GYPC: variants seen among roughly 807,000 people sequenced by gnomAD.
GYPC encodes the protein glycophorin C (Gerbich blood group).
Under a neutral mutation model 12.6 loss-of-function variants are expected in GYPC, and 14 were observed. That is an observed-to-expected ratio of 1.11 (90% CI 0.74 to 1.74). The LOEUF (loss-of-function observed/expected upper bound fraction) is 1.74. Ranked by LOEUF, GYPC falls within the 40% of genes most tolerant of loss-of-function variation. The pLI, the probability that GYPC is intolerant of heterozygous loss-of-function variation, is 0.00. For synonymous variants in GYPC, 78 were observed against 62.1 expected (o/e 1.26, Z -1.20); for missense variants, 225 against 172.1 (o/e 1.31, Z -1.72).
chr2:126,669,576 CT>C (rs1308468534), intron 1 of GYPC, among the ~76,000 whole-genome samples: 1 of 152,194 alleles, frequency 6.6e-6, no homozygotes, highest in Non-Finnish European at 1.5e-5. Flanking sequence ...TGGGTCATTT[CT>C]TATTTCAGAA....
intron 1 of GYPC, among the ~76,000 whole-genome samples, chr2:126,684,979 G>C (rs1476271326): frequency 1.3e-5 from 2 of 152,178 alleles, no homozygotes; most frequent in East Asian, 3.9e-4. Flanking sequence ...AATGCTAACT[G>C]CTTAGCCAAC....
chr2:126,686,759 C>T (rs774178025), intron 1 of GYPC: 7 of 894,696 alleles, frequency 7.8e-6, no homozygotes, highest in Non-Finnish European at 9.4e-6. Context: ...TCTGTCCAAT[C>T]GTTGTGCTGG....
chr2:126,669,646 C>T (rs187704480), intron 1 of GYPC, among the ~76,000 whole-genome samples: 4 of 152,190 alleles, frequency 2.6e-5, no homozygotes, highest in Non-Finnish European at 5.9e-5. Context: ...TTTATTTGAG[C>T]GAAATGAAGC....
chr2:126,695,275 G>A (rs1359049155), intron 3 of GYPC, among the ~76,000 whole-genome samples: 2 of 152,168 alleles, frequency 1.3e-5, no homozygotes, highest in African/African-American at 4.8e-5. Flanking sequence ...CTCCAAACAA[G>A]GTTCAGTCCT....
rs13413835 is a variant in GYPC at position 126,673,604 on chromosome 2, G to A, written c.50-16651G>A. Among the ~76,000 whole-genome samples, 1,149 of 152,262 alleles carry A rather than the reference G, an allele frequency of 7.5e-3. 9 individuals carry two copies. The highest frequency in any genetic ancestry group is 0.026 in the African/African-American group (1,066 of 41,532). On this transcript the variant is annotated intron_variant, in intron 1 of 3. Transcript: ENST00000259254. ...TAAAGCCACACCAATAGCAAATGGC[G>A]GAGCCACGACTAGAATTCAGGTGTT... is the stretch of plus-strand genomic sequence containing the variant.
intron 1 of GYPC, among the ~76,000 whole-genome samples, chr2:126,668,545 G>A (rs1682749031): frequency 6.6e-6 from 1 of 152,222 alleles, no homozygotes; most frequent in Admixed American, 6.5e-5. Flanking sequence ...CAACTACAAT[G>A]CACACACAGC....
intron 1 of GYPC, among the ~76,000 whole-genome samples, chr2:126,661,891 C>A (rs1457797461): frequency 6.6e-6 from 1 of 152,228 alleles, no homozygotes; most frequent in Non-Finnish European, 1.5e-5. Context: ...CAGCCCTGGG[C>A]AGGGTGGCCT....
intron 1 of GYPC, among the ~76,000 whole-genome samples, chr2:126,662,901 C>A (rs1682571083): frequency 6.6e-6 from 1 of 152,192 alleles, no homozygotes; most frequent in Non-Finnish European, 1.5e-5. Context: ...CCTCCTTGCT[C>A]TCCAGACTCC....
intron 1 of GYPC, among the ~76,000 whole-genome samples, chr2:126,672,740 AG>A (rs1354697680): frequency 1.3e-5 from 2 of 152,128 alleles, no homozygotes; most frequent in African/African-American, 4.8e-5. Flanking sequence ...CTGTGAAAGG[AG>A]GTGGATAAGG....
chr2:126,667,690 A>G (rs1411345471), intron 1 of GYPC, among the ~76,000 whole-genome samples: 1 of 152,228 alleles, frequency 6.6e-6, no homozygotes, highest in Non-Finnish European at 1.5e-5. Flanking sequence ...GGCATGAGCC[A>G]CCACGCCTGG....
At chr2:126,674,123 G>C (rs553865860) in intron 1 of GYPC, among the ~76,000 whole-genome samples, 28 of 152,300 alleles carry the variant, frequency 1.8e-4, no homozygotes, top group African/African-American at 6.5e-4. Flanking sequence ...TTTCTTCCAA[G>C]GGCCTTCTTT....
At chr2:126,690,577 C>T (rs28387204) in intron 2 of GYPC, among the ~76,000 whole-genome samples, 2,283 of 152,176 alleles carry the variant, frequency 0.015, 60 homozygotes, top group African/African-American at 0.052. Flanking sequence ...TATTTATTGG[C>T]CTTTCTCAGG....
At chr2:126,685,941 T>C (rs1683277334) in intron 1 of GYPC, 1 of 985,264 alleles carries the variant, frequency 1.0e-6, no homozygotes, top group Non-Finnish European at 1.2e-6. Context: ...CCATCCTCAC[T>C]CTCAACTCCC....
chr2:126,691,329 G>A (rs1396721172), intron 2 of GYPC, among the ~76,000 whole-genome samples: 1 of 151,990 alleles, frequency 6.6e-6, no homozygotes, highest in Non-Finnish European at 1.5e-5. Context: ...GACCCCTCCT[G>A]AGCAGCCTTA....
intron 1 of GYPC, among the ~76,000 whole-genome samples, chr2:126,667,181 C>A (rs565313851): frequency 6.6e-6 from 1 of 152,236 alleles, no homozygotes; most frequent in African/African-American, 2.4e-5. Context: ...TTTAGAGATA[C>A]GTGGATTTAG....
chr2:126,693,518 A>T (rs576879115), intron 2 of GYPC, among the ~76,000 whole-genome samples: 113 of 152,290 alleles, frequency 7.4e-4, no homozygotes, highest in Non-Finnish European at 1.4e-3. Context: ...TCTTTCTTAA[A>T]CACAACAAGA....
chr2:126,690,160 C>T, intron 1 of GYPC, 95 bp from the exon 2 acceptor site: 2 of 902,262 alleles, frequency 2.2e-6, no homozygotes, highest in Non-Finnish European at 3.8e-6. Flanking sequence ...CTCAGAGCTG[C>T]TCACACCTGA....
At chr2:126,687,773 C>T (rs1342814638) in intron 1 of GYPC, among the ~76,000 whole-genome samples, 1 of 152,246 alleles carries the variant, frequency 6.6e-6, no homozygotes, top group Non-Finnish European at 1.5e-5. Context: ...TCAGGTCCTA[C>T]CTCCCCTCCC....
intron 1 of GYPC, among the ~76,000 whole-genome samples, chr2:126,661,013 G>A (rs893712642): frequency 6.6e-6 from 1 of 152,136 alleles, no homozygotes; most frequent in Admixed American, 6.6e-5. Flanking sequence ...CCTCTCCTTA[G>A]ACTATACATT....
Sources: gnomAD v4.1 joint callset for allele counts (sites outside exome capture counted in the v4.1 genomes callset) on GRCh38, gnomAD v4.1.1 for gene constraint, MANE v1.5 for transcripts, NCBI Gene and HGNC (gene_info 2026-07-23, HGNC 2026-07-21) for gene names.